The following MYOCD variants were observed in gnomAD, a reference collection of about 807,000 sequenced individuals.
MYOCD encodes myocardin.
MYOCD carries 32 observed loss-of-function variants against 96.1 expected under a neutral mutation model. The ratio of observed to expected loss-of-function variants is 0.33; its 90% CI spans 0.25 to 0.45. The LOEUF is 0.45. Ranked by LOEUF, MYOCD falls within the 20% of genes least tolerant of loss-of-function variation. The probability of loss-of-function intolerance (pLI) is 1.00; values close to 1 mark genes in which losing one functional copy is unlikely to be tolerated. For missense variants in MYOCD, 1,133 were observed against 1,200.6 expected, an observed-to-expected ratio of 0.94 and a Z score of 0.83; for synonymous variants, 469 against 469.0, an observed-to-expected ratio of 1.00 and a Z score of 0.00.
At chr17:12,690,790 T>C (rs891221511) in intron 1 of MYOCD, among the ~76,000 whole-genome samples, 1 of 152,170 alleles carries the variant, frequency 6.6e-6, no homozygotes, top group Non-Finnish European at 1.5e-5. Flanking sequence ...ATCAGGTAAA[T>C]TGGGGAAATC....
chr17:12,709,047 G>A (rs139452476), intron 2 of MYOCD, among the ~76,000 whole-genome samples: 7 of 152,200 alleles, frequency 4.6e-5, no homozygotes, highest in African/African-American at 9.6e-5. Context: ...TCTATGTTTC[G>A]CCATGATGAG....
chr17:12,737,812 G>A (rs188462514), intron 6 of MYOCD, among the ~76,000 whole-genome samples: 4 of 152,052 alleles, frequency 2.6e-5, no homozygotes, highest in Admixed American at 6.6e-5. Context: ...ACTGATCACC[G>A]TCATGCCTAT....
intron 1 of MYOCD, among the ~76,000 whole-genome samples, chr17:12,691,859 T>G (rs1219745848): frequency 6.6e-6 from 1 of 152,188 alleles, no homozygotes; most frequent in Admixed American, 6.5e-5. Flanking sequence ...TCTTAGGAGC[T>G]ATGACCAGGG....
At chr17:12,668,654 G>T (rs1375189304) in intron 1 of MYOCD, among the ~76,000 whole-genome samples, 1 of 151,766 alleles carries the variant, frequency 6.6e-6, no homozygotes, top group Non-Finnish European at 1.5e-5. Flanking sequence ...TTGAGTGCGT[G>T]GGTCTCGGGG....
intron 4 of MYOCD, among the ~76,000 whole-genome samples, chr17:12,719,698 C>CA (rs57311284): frequency 0.16 from 16,832 of 106,266 alleles, 1,702 homozygotes; most frequent in African/African-American, 0.3. Context: ...ACTAAAAATA[C>CA]AAAAAAAAAA....
At chr17:12,727,320 C>A (rs2032027707) in intron 5 of MYOCD, among the ~76,000 whole-genome samples, 1 of 152,072 alleles carries the variant, frequency 6.6e-6, no homozygotes, top group South Asian at 2.1e-4. Flanking sequence ...TTTAAATGTG[C>A]CTGAGTTTTT....
In MYOCD at chr17:12,705,201, C is replaced by A; in HGVS notation, c.121+8C>A. 1 of 1,603,420 alleles carries A rather than the reference C, an allele frequency of 6.2e-7. No homozygotes were observed. The highest frequency in any genetic ancestry group is 8.5e-7 in the Non-Finnish European group (1 of 1,170,576). On this transcript the variant is annotated splice_region_variant and intron_variant, in intron 2 of 13. Transcript: ENST00000425538. ...ACCAAGGCATAATACCACGTGAGTA[C>A]CTGCATCTCTTAATTACTGATATAC...
chr17:12,666,098 T>C lies in MYOCD; in HGVS notation c.-91T>C. On this transcript the variant is annotated 5_prime_UTR_variant, in exon 1 of 14. Transcript: ENST00000425538. ...GAGAGTTGGATGAATTCTGGGTTGT[T>C]AGCTGCGGTCAGCTGGGCTCCCGGG... The C allele has an allele frequency of 1.1e-6, 1 of 910,992 alleles. No individual in the cohort carries two copies. Among genetic ancestry groups the C allele is most frequent in the Non-Finnish European group, 1.8e-6 (1 of 554,382 alleles). The allele number at this position is 910,992 out of a possible 1,614,324, so 56.4% of individuals were successfully genotyped here.
rs138844391 is a variant in MYOCD at position 12,746,638 on chromosome 17, T to C, written c.1125+566T>C. On this transcript the variant is annotated intron_variant, in intron 9 of 13. Transcript: ENST00000425538. Reference sequence around the variant, plus strand: ...TGGGAGGCTGAGGCAGGTGGATCCCTCTAGATACACATGCTCAGAATCATT... The same window carrying C: ...TGGGAGGCTGAGGCAGGTGGATCCCCCTAGATACACATGCTCAGAATCATT... Among the ~76,000 whole-genome samples the C allele has an allele frequency of 3.9e-3, 597 of 151,980 alleles. 6 individuals carry two copies. Among genetic ancestry groups the C allele is most frequent in the African/African-American group, 0.014 (564 of 41,458 alleles).
At position 12,760,690 on chromosome 17, in the gene MYOCD, T is replaced by A. The variant is rs746076059; in HGVS notation, c.2372T>A (p.Val791Glu). The A allele has an allele frequency of 3.1e-6, 5 of 1,613,898 alleles. No individual in the cohort carries two copies. The highest frequency in any genetic ancestry group is 1.3e-5 in the African/African-American group (1 of 74,906). ...CAGCAGATGGATGAACTCCTGGACG[T>A]GCTTATTGAAAGCGGAGGTAAGACT... is the stretch of plus-strand genomic sequence containing the variant. Reference protein sequence around the residue: ...RSQQMDELLDVLIESGEMPAD... With the variant: ...RSQQMDELLDELIESGEMPAD... Residue 791 changes from valine (V) to glutamate (E), a missense_variant, in exon 13 of 14, where the codon GTG becomes GAG. Transcript: ENST00000425538.
chr17:12,757,962 T>G (rs2033059312), intron 11 of MYOCD, 123 bp from the exon 12 acceptor site: 1 of 734,240 alleles, frequency 1.4e-6, no homozygotes, highest in Non-Finnish European at 2.4e-6. Flanking sequence ...TTCTAAGCCC[T>G]GGACTTTTCT....
chr17:12,750,386 T>C (rs1488171469), intron 9 of MYOCD, among the ~76,000 whole-genome samples: 2 of 152,120 alleles, frequency 1.3e-5, no homozygotes, highest in African/African-American at 2.4e-5. Context: ...TAAAGAGCTT[T>C]ACAAACACGT....
chr17:12,711,850 G>C (rs1228348517), intron 2 of MYOCD, among the ~76,000 whole-genome samples: 1 of 151,986 alleles, frequency 6.6e-6, no homozygotes, highest in Non-Finnish European at 1.5e-5. Context: ...TTAAAACAAA[G>C]ATTCCTGGGT....
At chr17:12,763,002 TA>T in intron 13 of MYOCD, 70 bp from the exon 14 acceptor site, 1 of 1,327,196 alleles carries the variant, frequency 7.5e-7, no homozygotes, top group Non-Finnish European at 1.0e-6. Flanking sequence ...TATCTAAGTG[TA>T]ACTCACTCAT....
chr17:12,736,133 A>G, intron 5 of MYOCD, 28 bp from the exon 6 acceptor site: 1 of 1,611,122 alleles, frequency 6.2e-7, no homozygotes, highest in Non-Finnish European at 8.5e-7. Context: ...TAAGCCACTG[A>G]CCAAGTTCCT....
intron 11 of MYOCD, among the ~76,000 whole-genome samples, 196 bp downstream of exon 11, chr17:12,756,753 ATGAC>A (rs1475985791): frequency 6.6e-6 from 1 of 151,874 alleles, no homozygotes; most frequent in Non-Finnish European, 1.5e-5. Context: ...TAGGTTAACA[ATGAC>A]TGATCTATGC....
At chr17:12,743,420 T>G (rs1313770125) in intron 7 of MYOCD, among the ~76,000 whole-genome samples, 1 of 152,036 alleles carries the variant, frequency 6.6e-6, no homozygotes, top group Non-Finnish European at 1.5e-5. Context: ...TCTTAGTTTA[T>G]GTCATTAATA....
chr17:12,692,782 G>A (rs1284247058), intron 1 of MYOCD, among the ~76,000 whole-genome samples: 1 of 152,038 alleles, frequency 6.6e-6, no homozygotes, highest in Non-Finnish European at 1.5e-5. Context: ...TTCTCTCCCA[G>A]GCACAGGTGA....
intron 7 of MYOCD, among the ~76,000 whole-genome samples, chr17:12,742,582 T>G (rs982717788): frequency 6.6e-6 from 1 of 152,074 alleles, no homozygotes; most frequent in African/African-American, 2.4e-5. Context: ...AATTATTTTT[T>G]TTTTTTGAGG....
Sources: allele counts gnomAD v4.1 joint callset (sites outside exome capture counted in the v4.1 genomes callset), GRCh38; gene constraint gnomAD v4.1.1; transcripts MANE v1.5; gene names NCBI Gene and HGNC (gene_info 2026-07-23, HGNC 2026-07-21).